Variants in HUNK observed in about 807,000 individuals in gnomAD.
The protein encoded by HUNK is hormonally up-regulated neu tumor-associated kinase.
In HUNK, 21 loss-of-function variants were observed where a neutral mutation model predicts 61.0. That is an observed-to-expected ratio of 0.34 (90% CI 0.24 to 0.50). The LOEUF is 0.50. HUNK is among the 20% of genes least tolerant of loss of function. The probability of loss-of-function intolerance (pLI) is 0.98; values close to 1 mark genes in which losing one functional copy is unlikely to be tolerated. For missense variants in HUNK, 772 were observed against 945.7 expected, an observed-to-expected ratio of 0.82 and a Z score of 2.41; for synonymous variants, 371 against 386.1, an observed-to-expected ratio of 0.96 and a Z score of 0.46.
At chr21:31,874,761 CT>C (rs2052247451) in intron 1 of HUNK, among the ~76,000 whole-genome samples, 1 of 152,076 alleles carries the variant, frequency 6.6e-6, no homozygotes, top group African/African-American at 2.4e-5. Flanking sequence ...GCCTTCTTAT[CT>C]TTCTAGAAGA....
At chr21:31,907,424 T>C (rs564493412) in intron 1 of HUNK, among the ~76,000 whole-genome samples, 69 of 152,282 alleles carry the variant, frequency 4.5e-4, no homozygotes, top group African/African-American at 1.6e-3. Flanking sequence ...TAACATGACT[T>C]ATGTGGCTTA....
At chr21:31,946,527 T>C (rs567134213) in intron 4 of HUNK, among the ~76,000 whole-genome samples, 137 of 152,304 alleles carry the variant, frequency 9.0e-4, no homozygotes, top group African/African-American at 3.2e-3. Context: ...CCTGTGCTCC[T>C]TGCGGGACTT....
intron 4 of HUNK, among the ~76,000 whole-genome samples, chr21:31,949,801 G>A (rs754433583): frequency 6.6e-5 from 10 of 152,212 alleles, no homozygotes; most frequent in Non-Finnish European, 7.3e-5. Context: ...TCCACTCATG[G>A]TGGGAGGTGC....
intron 4 of HUNK, among the ~76,000 whole-genome samples, chr21:31,947,441 C>T (rs759462013): frequency 6.6e-6 from 1 of 152,276 alleles, no homozygotes; most frequent in Non-Finnish European, 1.5e-5. Flanking sequence ...TTTCTGAGCT[C>T]CCTGCCAGGG....
At chr21:31,917,668 C>A (rs1056147226) in intron 1 of HUNK, among the ~76,000 whole-genome samples, 4 of 148,046 alleles carry the variant, frequency 2.7e-5, no homozygotes, top group African/African-American at 1.0e-4. Flanking sequence ...GGCTTAGATA[C>A]CCTCCTGAAA....
intron 10 of HUNK, among the ~76,000 whole-genome samples, chr21:31,997,913 T>G (rs2053217065): frequency 6.6e-6 from 1 of 151,820 alleles, no homozygotes. Flanking sequence ...TCCAGAATTT[T>G]TTTTTCTTTT....
intron 1 of HUNK, among the ~76,000 whole-genome samples, chr21:31,914,896 C>T (rs191165199): frequency 7.2e-5 from 11 of 152,248 alleles, no homozygotes; most frequent in Admixed American, 2.0e-4. Context: ...CTTCAACATA[C>T]GCAATTCAGT....
intron 2 of HUNK, among the ~76,000 whole-genome samples, chr21:31,926,660 A>G (rs73350736): frequency 0.07 from 10,597 of 152,254 alleles, 451 homozygotes; most frequent in South Asian, 0.17. Context: ...TGTCTAAGTT[A>G]TAGCATGTGT....
intron 1 of HUNK, among the ~76,000 whole-genome samples, chr21:31,923,166 C>A (rs762898200): frequency 3.3e-5 from 5 of 152,108 alleles, no homozygotes; most frequent in Non-Finnish European, 5.9e-5. Context: ...ACAGGGCAGC[C>A]GGCGTGGTGA....
intron 6 of HUNK, among the ~76,000 whole-genome samples, chr21:31,970,701 A>T (rs1251934201): frequency 1.3e-5 from 2 of 152,210 alleles, no homozygotes; most frequent in Non-Finnish European, 2.9e-5. Flanking sequence ...AGTTGGTGTT[A>T]GACAGTATTT....
At chr21:31,900,273 C>T (rs1178426063) in intron 1 of HUNK, among the ~76,000 whole-genome samples, 1 of 152,192 alleles carries the variant, frequency 6.6e-6, no homozygotes. Context: ...CACGTTAGTT[C>T]TTCCTGGAGC....
chr21:31,884,788 CT>C (rs1035362724), intron 1 of HUNK, among the ~76,000 whole-genome samples: 1 of 147,824 alleles, frequency 6.8e-6, no homozygotes. Flanking sequence ...TTTTTTTTTT[CT>C]TTTTTTTGAT....
intron 4 of HUNK, among the ~76,000 whole-genome samples, chr21:31,949,783 A>C (rs931445121): frequency 1.3e-5 from 2 of 152,304 alleles, no homozygotes; most frequent in African/African-American, 4.8e-5. Flanking sequence ...GTGAGGCCCC[A>C]GGCCGCTTCC....
intron 8 of HUNK, among the ~76,000 whole-genome samples, chr21:31,988,042 C>T (rs1413841821): frequency 6.6e-6 from 1 of 152,202 alleles, no homozygotes; most frequent in African/African-American, 2.4e-5. Context: ...TCCTAGGAGA[C>T]AAAGGAGCTG....
At chr21:31,934,824 G>A (rs1190157333) in intron 2 of HUNK, among the ~76,000 whole-genome samples, 1 of 152,146 alleles carries the variant, frequency 6.6e-6, no homozygotes, top group Non-Finnish European at 1.5e-5. Flanking sequence ...CCATGTTGCT[G>A]CAGAGGGCAT....
chr21:31,902,404 G>A (rs2052474785), intron 1 of HUNK, among the ~76,000 whole-genome samples: 1 of 152,182 alleles, frequency 6.6e-6, no homozygotes, highest in Non-Finnish European at 1.5e-5. Flanking sequence ...CAGCTACTCA[G>A]GAGGCTGAGG....
chr21:31,907,716 G>T (rs537703124), intron 1 of HUNK, among the ~76,000 whole-genome samples: 1 of 152,194 alleles, frequency 6.6e-6, no homozygotes, highest in African/African-American at 2.4e-5. Flanking sequence ...TGGGCCGGGC[G>T]TGCTGGCTCA....
At chr21:31,965,656 CA>C (rs1484004525) in intron 5 of HUNK, among the ~76,000 whole-genome samples, 1 of 145,936 alleles carries the variant, frequency 6.9e-6, no homozygotes, top group Non-Finnish European at 1.5e-5. Context: ...GGCTGGAGTG[CA>C]ATGGCGTGAT....
At chr21:31,881,856 A>G (rs918011075) in intron 1 of HUNK, among the ~76,000 whole-genome samples, 9 of 152,188 alleles carry the variant, frequency 5.9e-5, no homozygotes, top group African/African-American at 2.2e-4. Context: ...TATGTGCCAC[A>G]CGCTGGGGGA....
Sources: allele counts gnomAD v4.1 joint callset (sites outside exome capture counted in the v4.1 genomes callset), GRCh38; gene constraint gnomAD v4.1.1; transcripts MANE v1.5; gene names NCBI Gene and HGNC (gene_info 2026-07-23, HGNC 2026-07-21).